The following RGS17 variants were observed in gnomAD, a reference collection of about 807,000 sequenced individuals.
RGS17 encodes regulator of G protein signaling 17, also known as regulator of G-protein signaling 17.
In RGS17, 12 loss-of-function variants were observed where a neutral mutation model predicts 25.5. The ratio of observed to expected loss-of-function variants is 0.47; its 90% confidence interval spans 0.30 to 0.76. The LOEUF is 0.76. Among genes scored for constraint, RGS17 ranks in the 30% least tolerant of loss-of-function variants. RGS17 has a pLI of 0.07. For missense variants in RGS17, 196 were observed against 242.2 expected (o/e 0.81, Z 1.27); for synonymous variants, 71 against 76.9 (o/e 0.92, Z 0.40).
At chr6:153,125,176 A>G (rs1442452966) in intron 1 of RGS17, among the ~76,000 whole-genome samples, 1 of 152,190 alleles carries the variant, frequency 6.6e-6, no homozygotes, top group Non-Finnish European at 1.5e-5. Flanking sequence ...GTATTTCAAC[A>G]GCCAATCAGC....
chr6:153,034,880 C>T (rs942509724), intron 2 of RGS17, among the ~76,000 whole-genome samples: 1 of 152,026 alleles, frequency 6.6e-6, no homozygotes, highest in Non-Finnish European at 1.5e-5. Context: ...CTGCGAGCGG[C>T]GGCTGATGCC....
At chr6:153,113,701 G>A (rs1204986084) in intron 1 of RGS17, among the ~76,000 whole-genome samples, 2 of 152,118 alleles carry the variant, frequency 1.3e-5, no homozygotes, top group Non-Finnish European at 2.9e-5. Flanking sequence ...CTCAGCAAAT[G>A]CAAAAGAATG....
intron 1 of RGS17, among the ~76,000 whole-genome samples, chr6:153,110,400 T>C (rs1016931185): frequency 6.7e-6 from 1 of 148,430 alleles, no homozygotes; most frequent in African/African-American, 2.5e-5. Context: ...TTTAGGCAAT[T>C]TTGATGGACT....
chr6:153,011,718 C>T lies in RGS17; in HGVS notation c.489G>A (p.Leu163=), dbSNP rs1400463323. ...SRVREVINRN[L]LDPNPHMYED... ...CATACATGTGAGGATTGGGATCCAA[C>T]AGATTTCTATTGATCACCTCTCTAA... Residue 163 remains leucine, a synonymous_variant, in exon 5 of 5, where the codon CTG becomes CTA. Coordinates refer to ENST00000206262, the MANE Select transcript of RGS17 (RefSeq NM_012419.5). 6.2e-7 allele frequency: 1 copy of T among 1,613,072 alleles called. No individual in the cohort carries two copies.
intron 1 of RGS17, among the ~76,000 whole-genome samples, chr6:153,054,100 A>ATATGTG (rs1206727866): frequency 0.013 from 1,240 of 95,336 alleles, 199 homozygotes; most frequent in Non-Finnish European, 0.015. Flanking sequence ...TTTTATATAT[A>ATATGTG]TATATATATA....
At chr6:153,018,127 G>A (rs371727207) in intron 4 of RGS17, among the ~76,000 whole-genome samples, 5 of 152,276 alleles carry the variant, frequency 3.3e-5, no homozygotes, top group African/African-American at 1.2e-4. Context: ...ACTCTTGGTG[G>A]TGTCTGGATG....
chr6:153,029,153 A>T (rs1359382322), intron 2 of RGS17, among the ~76,000 whole-genome samples: 1 of 152,242 alleles, frequency 6.6e-6, no homozygotes, highest in Non-Finnish European at 1.5e-5. Context: ...TACAACAGAC[A>T]TTCAGTAAAT....
At chr6:153,126,284 G>A (rs1015953253) in intron 1 of RGS17, among the ~76,000 whole-genome samples, 2 of 152,142 alleles carry the variant, frequency 1.3e-5, no homozygotes, top group Admixed American at 6.5e-5. Context: ...ACGACTATCT[G>A]GGAACTCTTC....
chr6:153,080,756 A>C (rs1776966571), intron 1 of RGS17, among the ~76,000 whole-genome samples: 1 of 152,096 alleles, frequency 6.6e-6, no homozygotes, highest in Non-Finnish European at 1.5e-5. Flanking sequence ...TGAATGCTGT[A>C]AAATGTCACC....
chr6:153,123,459 A>G lies in RGS17; in HGVS notation c.-26+7665T>C, dbSNP rs1251878371. On this transcript the variant is annotated intron_variant, in intron 1 of 4. Transcript: ENST00000206262. ...GATATATTAACTATCTATTCATCAC[A>G]TATTTCTAGAACGGGTTTGAAGTCT... Among the ~76,000 whole-genome samples the G allele has an allele frequency of 2.6e-5, 4 of 152,168 alleles. No individual in the cohort carries two copies. In the East Asian group the frequency reaches 7.7e-4, roughly 29 times the overall value.
chr6:153,033,751 A>C (rs1776188498), intron 2 of RGS17, among the ~76,000 whole-genome samples: 1 of 152,054 alleles, frequency 6.6e-6, no homozygotes, highest in Non-Finnish European at 1.5e-5. Flanking sequence ...AAATAAAATA[A>C]AAATAAAAAA....
chr6:153,027,403 A>G (rs184142055), intron 2 of RGS17, among the ~76,000 whole-genome samples: 22 of 152,270 alleles, frequency 1.4e-4, no homozygotes, highest in Non-Finnish European at 2.2e-4. Context: ...GATACTAAGA[A>G]GCAGGGTAGG....
At chr6:153,092,360 C>T (rs986620857) in intron 1 of RGS17, among the ~76,000 whole-genome samples, 1 of 152,134 alleles carries the variant, frequency 6.6e-6, no homozygotes, top group African/African-American at 2.4e-5. Flanking sequence ...TAGGACAAGT[C>T]AAAAGAGAGT....
At chr6:153,020,978 C>A (rs896497559) in intron 4 of RGS17, among the ~76,000 whole-genome samples, 2 of 152,106 alleles carry the variant, frequency 1.3e-5, no homozygotes, top group Non-Finnish European at 1.5e-5. Context: ...AGTAGTAGCA[C>A]AAATACTCTG....
In RGS17 at chr6:153,010,819, ACT is replaced by A. The variant is rs1245835932; in HGVS notation, c.*753_*754del. On this transcript the variant is annotated 3_prime_UTR_variant, in exon 5 of 5. Coordinates refer to ENST00000206262, the MANE Select transcript of RGS17 (RefSeq NM_012419.5). ...TTCTATTACAGTTAAAAGCAATATC[ACT>A]CTTTTGATTTGTCATTGAGATAGGA... is the stretch of plus-strand genomic sequence containing the variant. 1 of 147,830 alleles carries A rather than the reference ACT, an allele frequency of 6.8e-6. No individual in the cohort carries two copies. The highest frequency in any genetic ancestry group is 2.0e-4 in the East Asian group (1 of 5,042). The allele number at this position is 147,830 out of a possible 1,614,324, so 9.2% of individuals were successfully genotyped here.
chr6:153,117,502 T>C (rs911318476), intron 1 of RGS17, among the ~76,000 whole-genome samples: 3 of 152,196 alleles, frequency 2.0e-5, no homozygotes, highest in African/African-American at 4.8e-5. Flanking sequence ...TGCCATGATA[T>C]AGGACTCTTT....
Position 153,033,431 on chromosome 6 carries a change from C to T in RGS17, c.120-6888G>A, listed in dbSNP as rs988624651. Among the ~76,000 whole-genome samples, 5 of 152,076 alleles carry T rather than the reference C, an allele frequency of 3.3e-5. No homozygotes were observed. The East Asian group carries it at 5.8e-4, about 18-fold the overall frequency. On this transcript the variant is annotated intron_variant, in intron 2 of 4. Coordinates refer to ENST00000206262, the MANE Select transcript of RGS17 (RefSeq NM_012419.5). The stretch of plus-strand genomic sequence containing the variant: ...ACAAAGATATACTTTACATAATACA[C>T]GCCAGGCCAAGCATGGTGGCTCATG...
chr6:153,113,887 CA>C (rs1237053860), intron 1 of RGS17, among the ~76,000 whole-genome samples: 1 of 152,054 alleles, frequency 6.6e-6, no homozygotes, highest in East Asian at 1.9e-4. Flanking sequence ...CCAATGAGAA[CA>C]AAGACACAAA....
At chr6:153,012,369 G>A (rs769974383) in intron 4 of RGS17, among the ~76,000 whole-genome samples, 2 of 152,180 alleles carry the variant, frequency 1.3e-5, no homozygotes, top group Non-Finnish European at 2.9e-5. Flanking sequence ...TCTTACTAAC[G>A]ATGAAGCAGA....
Sources: gnomAD v4.1 joint callset for allele counts (sites outside exome capture counted in the v4.1 genomes callset) on GRCh38, gnomAD v4.1.1 for gene constraint, MANE v1.5 for transcripts, NCBI Gene and HGNC (gene_info 2026-07-23, HGNC 2026-07-21) for gene names.